FGF16: variants seen among roughly 807,000 people sequenced by gnomAD.
The protein encoded by FGF16 is metacarpal 4-5 fusion.
A neutral mutation model predicts 8.5 loss-of-function variants in FGF16; 2 were observed. The observed-to-expected ratio is 0.24, with a 90% CI of 0.10 to 0.75. The LOEUF (loss-of-function observed/expected upper bound fraction) is 0.75. Among genes scored for constraint, FGF16 ranks in the 30% least tolerant of loss-of-function variants. The probability of loss-of-function intolerance (pLI) is 0.74; values close to 1 mark genes in which losing one functional copy is unlikely to be tolerated. For synonymous variants in FGF16, 33 were observed against 34.6 expected (o/e 0.95, Z 0.16); for missense variants, 79 against 87.4 (o/e 0.90, Z 0.38).
chrX:77,456,177 C>T (rs1290908782), intron 2 of FGF16, 100 bp from the exon 3 acceptor site: 3 of 796,407 alleles, frequency 3.8e-6, no homozygotes, highest in Non-Finnish European at 3.7e-6. Flanking sequence ...AATTTTCTAA[C>T]ATCAATGTGC....
chrX:77,453,589 T>C (rs2062563403), intron 1 of FGF16, among the ~76,000 whole-genome samples: 1 of 111,843 alleles, frequency 8.9e-6, no homozygotes, highest in South Asian at 3.8e-4. Flanking sequence ...GGCCAAGTTT[T>C]GCCTCCTGCC....
At chrX:77,454,362 A>T in intron 2 of FGF16, 102 bp downstream of exon 2, 1 of 458,899 alleles carries the variant, frequency 2.2e-6, no homozygotes. Context: ...AAAAATATTT[A>T]TCTGGGGACC....
At chrX:77,449,206 G>T in intron 1 of FGF16, among the ~76,000 whole-genome samples, 1 of 111,775 alleles carries the variant, frequency 8.9e-6, no homozygotes, top group Non-Finnish European at 1.9e-5. Context: ...GGTCTTCCTT[G>T]CTGGGAACAG....
At chrX:77,456,161 G>T in intron 2 of FGF16, 116 bp from the exon 3 acceptor site, 1 of 659,796 alleles carries the variant, frequency 1.5e-6, no homozygotes, top group East Asian at 3.2e-5. Flanking sequence ...AGAGAGATAG[G>T]ACTGGAATTT....
rs1425024370 is a variant in FGF16 at position 77,457,031 on chromosome X, G to T, written c.*509G>T. The T allele has an allele frequency of 8.9e-6, 1 of 112,701 alleles. No homozygotes were observed. Among genetic ancestry groups the T allele is most frequent in the African/African-American group, 3.2e-5 (1 of 30,874 alleles). The allele number at this position is 112,701 out of a possible 1,213,427, so 9.3% of individuals were successfully genotyped here. A position where few individuals can be genotyped will look rare whatever the true frequency, so the allele number is the denominator to read the frequency against. On this transcript the variant is annotated 3_prime_UTR_variant, in exon 3 of 3. Transcript: ENST00000439435. Reference sequence around the variant, plus strand: ...GCAGTTTTCCTGTCATTGGAAGTGGGAGATGGGGTAGGTTGTAAGAAAATG... The same window carrying T: ...GCAGTTTTCCTGTCATTGGAAGTGGTAGATGGGGTAGGTTGTAAGAAAATG...
intron 1 of FGF16, among the ~76,000 whole-genome samples, chrX:77,453,232 T>C (rs2062562454): frequency 8.9e-6 from 1 of 112,131 alleles, no homozygotes; most frequent in South Asian, 3.7e-4. Flanking sequence ...GGAATCTAGT[T>C]GACTATTATG....
chrX:77,452,976 C>G (rs1011180559), intron 1 of FGF16, among the ~76,000 whole-genome samples: 1 of 111,013 alleles, frequency 9.0e-6, no homozygotes, highest in African/African-American at 3.3e-5. Flanking sequence ...ACGAGGGAGG[C>G]TGAGGTGGGA....
In FGF16 at chrX:77,454,225, C is replaced by T; in HGVS notation, c.343C>T (p.Leu115=). The change falls in exon 2 of 3, where the codon CTA becomes TTA. Residue 115 remains leucine (L), a synonymous_variant. Coordinates refer to ENST00000439435, the MANE Select transcript of FGF16 (RefSeq NM_003868.3). ...SIRGVDSGLY[L]GMNERGELYG... The stretch of plus-strand genomic sequence containing the variant: ...CCGGGGAGTGGACTCTGGCCTGTAC[C>T]TAGGAATGAATGAGCGAGGAGAACT... The T allele has an allele frequency of 8.8e-7, 1 of 1,130,318 alleles. No individual in the cohort carries two copies. The highest frequency in any genetic ancestry group is 1.2e-6 in the Non-Finnish European group (1 of 842,349). The allele number at this position is 1,130,318 out of a possible 1,213,427, so 93.2% of individuals were successfully genotyped here.
chrX:77,455,019 G>C (rs1312047952), intron 2 of FGF16, among the ~76,000 whole-genome samples: 2 of 110,653 alleles, frequency 1.8e-5, no homozygotes, highest in African/African-American at 6.6e-5. Context: ...GGCTGGTCTC[G>C]AACTCCTGAC....
Position 77,454,218 on chromosome X carries a change from C to T in FGF16, c.336C>T (p.Gly112=), listed in dbSNP as rs2062565572. The T allele has an allele frequency of 8.7e-7, 1 of 1,151,019 alleles. No individual in the cohort carries two copies. 94.9% of individuals were successfully genotyped at this position (1,151,019 alleles called of 1,213,427 possible). Residue 112 remains glycine (G), a synonymous_variant, in exon 2 of 3, where the codon GGC becomes GGT. Coordinates refer to ENST00000439435, the MANE Select transcript of FGF16 (RefSeq NM_003868.3). ...GLISIRGVDS[G]LYLGMNERGE... ...TCAGCATCCGGGGAGTGGACTCTGG[C>T]CTGTACCTAGGAATGAATGAGCGAG...
At chrX:77,456,102 A>G (rs782281540) in intron 2 of FGF16, among the ~76,000 whole-genome samples, 175 bp from the exon 3 acceptor site, 1 of 112,576 alleles carries the variant, frequency 8.9e-6, no homozygotes, top group South Asian at 3.7e-4. Flanking sequence ...AAGGAGATAC[A>G]GACAAGAGTG....
chrX:77,451,049 C>G (rs2062555832), intron 1 of FGF16, among the ~76,000 whole-genome samples: 1 of 112,154 alleles, frequency 8.9e-6, no homozygotes, highest in Non-Finnish European at 1.9e-5. Flanking sequence ...TCATGTGCCA[C>G]TGGGTTCCCA....
chrX:77,449,130 A>G (rs941820444), intron 1 of FGF16, among the ~76,000 whole-genome samples: 2 of 111,745 alleles, frequency 1.8e-5, no homozygotes, highest in Non-Finnish European at 3.8e-5. Flanking sequence ...GTGCACAGCA[A>G]AAAGGGGAAC....
intron 1 of FGF16, among the ~76,000 whole-genome samples, chrX:77,453,355 A>G (rs2062562769): frequency 8.9e-6 from 1 of 112,010 alleles, no homozygotes; most frequent in Non-Finnish European, 1.9e-5. Flanking sequence ...TGGGTAAATG[A>G]AAGCATTTTC....
Position 77,454,251 on chromosome X carries a change from C to G in FGF16, c.369C>G (p.Leu123=). 2.6e-6 allele frequency: 1 copy of G among 388,529 alleles called. No individual in the cohort carries two copies. Among genetic ancestry groups the G allele is most frequent in the Non-Finnish European group, 4.3e-6 (1 of 233,344 alleles). 32.0% of individuals were successfully genotyped at this position (388,529 alleles called of 1,213,427 possible). ...LYLGMNERGE[L]YGSKKLTREC... is the part of the protein sequence containing the mutation. Reference sequence around the variant, plus strand: ...TAGGAATGAATGAGCGAGGAGAACTCTATGGGTCGGTAAGTTTAAGGTTTT... The same window carrying G: ...TAGGAATGAATGAGCGAGGAGAACTGTATGGGTCGGTAAGTTTAAGGTTTT... Residue 123 remains leucine (L), a synonymous_variant, in exon 2 of 3, where the codon CTC becomes CTG. Transcript: ENST00000439435.
chrX:77,448,282 G>A (rs151249028), intron 1 of FGF16, among the ~76,000 whole-genome samples: 105 of 112,808 alleles, frequency 9.3e-4, no homozygotes, highest in African/African-American at 3.0e-3. Flanking sequence ...GGGAGCTCTC[G>A]CCTAGGAGGC....
In FGF16 at chrX:77,457,058, T is replaced by C. The variant is rs1349749981; in HGVS notation, c.*536T>C. ...GATGGGGTAGGTTGTAAGAAAATGA[T>C]ATTAAAATGTAAGCATGGATACTGT... is the stretch of plus-strand genomic sequence containing the variant. On this transcript the variant is annotated 3_prime_UTR_variant, in exon 3 of 3. Coordinates refer to ENST00000439435, the MANE Select transcript of FGF16 (RefSeq NM_003868.3). The C allele has an allele frequency of 8.0e-5, 9 of 112,444 alleles. No homozygotes were observed. Among genetic ancestry groups the C allele is most frequent in the African/African-American group, 2.6e-4 (8 of 30,895 alleles). The allele number at this position is 112,444 out of a possible 1,213,427, so 9.3% of individuals were successfully genotyped here.
chrX:77,454,764 A>C (rs1166188411), intron 2 of FGF16, among the ~76,000 whole-genome samples: 2 of 98,776 alleles, frequency 2.0e-5, no homozygotes, highest in Non-Finnish European at 4.0e-5. Context: ...TAACACCTTC[A>C]CTCATTTGGC....
intron 1 of FGF16, among the ~76,000 whole-genome samples, chrX:77,448,966 AC>A (rs1557026459): frequency 1.8e-5 from 2 of 110,510 alleles, no homozygotes; most frequent in Non-Finnish European, 3.8e-5. Context: ...CAAGAAAGAC[AC>A]CTTTTCCCCA....
Sources: allele counts gnomAD v4.1 joint callset (sites outside exome capture counted in the v4.1 genomes callset), GRCh38; gene constraint gnomAD v4.1.1; transcripts MANE v1.5; gene names NCBI Gene and HGNC (gene_info 2026-07-23, HGNC 2026-07-21).